The following TPM4 variants were observed in gnomAD, a reference collection of about 807,000 sequenced individuals.
TPM4 encodes the protein tropomyosin 4.
In TPM4, 17 loss-of-function variants were observed where a neutral mutation model predicts 35.8. The ratio of observed to expected loss-of-function variants is 0.47; its 90% CI spans 0.32 to 0.71. The LOEUF (loss-of-function observed/expected upper bound fraction) is 0.71, where lower values mean the gene tolerates loss of function less well. Ranked by LOEUF, TPM4 falls within the 30% of genes least tolerant of loss-of-function variation. The pLI is 0.03. For synonymous variants in TPM4, 120 were observed against 122.9 expected (o/e 0.98, Z 0.15); for missense variants, 240 against 320.9 (o/e 0.75, Z 1.93).
Position 16,067,980 on chromosome 19 carries a change from A to G in TPM4, c.114+242A>G. 1 of 492,008 alleles carries G rather than the reference A, an allele frequency of 2.0e-6. No homozygotes were observed. 30.5% of individuals were successfully genotyped at this position (492,008 alleles called of 1,614,324 possible). A position where few individuals can be genotyped will look rare whatever the true frequency, so the allele number is the denominator to read the frequency against. Reference sequence around the variant, plus strand: ...CGAACAAAGTGAGTTTGACAGAGAGAGAGTTGGCGGGGGAGGGAGAGTGAG... The same window carrying G: ...CGAACAAAGTGAGTTTGACAGAGAGGGAGTTGGCGGGGGAGGGAGAGTGAG... On this transcript the variant is annotated intron_variant, in intron 2 of 2. Coordinates refer to the TPM4 transcript ENST00000589897. This position sits in a 1 kb window ranked among gnomAD's most constrained non-coding sequence, Gnocchi z 4.1.
intron 2 of TPM4, among the ~76,000 whole-genome samples, chr19:16,082,338 G>A (rs1053195556): frequency 2.4e-4 from 36 of 152,220 alleles, no homozygotes; most frequent in Admixed American, 9.2e-4. Flanking sequence ...GTGAAACCCC[G>A]TCTTTCCTAA....
intron 7 of TPM4, chr19:16,095,444 C>T (rs754601843): frequency 6.4e-5 from 66 of 1,027,198 alleles, no homozygotes; most frequent in Non-Finnish European, 7.5e-5. Flanking sequence ...CTGGTTTGAA[C>T]GTCAGAGCCT....
chr19:16,073,518 G>A (rs1272918574), upstream of TPM4, among the ~76,000 whole-genome samples: 2 of 152,168 alleles, frequency 1.3e-5, no homozygotes, highest in African/African-American at 4.8e-5. Flanking sequence ...GACGGGGGTC[G>A]CAGAGCTTGG....
chr19:16,076,676 C>T lies in TPM4; in HGVS notation c.111C>T (p.Gly37=). The stretch of plus-strand genomic sequence containing the variant: ...AGGGCCTGCAGCGGGAGCTGGACGG[C>T]GAGCGCGAGCGGCGCGAGAAAGTGA... ...RAQGLQRELD[G]ERERREKAEG... is the part of the protein sequence containing the mutation. The change falls in exon 1 of 8, where the codon GGC becomes GGT. Residue 37 remains glycine (G), a synonymous_variant. Transcript: ENST00000643579. 7.3e-7 allele frequency: 1 copy of T among 1,375,750 alleles called. No individual in the cohort carries two copies. Among genetic ancestry groups the T allele is most frequent in the South Asian group, 1.6e-5 (1 of 64,242 alleles). 85.2% of individuals were successfully genotyped at this position (1,375,750 alleles called of 1,614,324 possible). A position where few individuals can be genotyped will look rare whatever the true frequency, so the allele number is the denominator to read the frequency against.
At position 16,070,693 on chromosome 19, in the gene TPM4, C is replaced by T. The variant is rs2090348093; in HGVS notation, c.114+2955C>T. Among the ~76,000 whole-genome samples, 1 of 152,208 alleles carries T rather than the reference C, an allele frequency of 6.6e-6. No homozygotes were observed. The highest frequency in any genetic ancestry group is 1.5e-5 in the Non-Finnish European group (1 of 68,024). On this transcript the variant is annotated intron_variant, in intron 2 of 2. Coordinates refer to the TPM4 transcript ENST00000589897. This position sits in a 1 kb window ranked among gnomAD's most constrained non-coding sequence, Gnocchi z 7.4. ...GGCCCGGAGCCTAGCTCAGAGTAAG[C>T]ACTCAATAAATGTAGGTTGATTTCC...
At chr19:16,072,812 CAGG>C (rs1242272799), upstream of TPM4, among the ~76,000 whole-genome samples, 1 of 152,064 alleles carries the variant, frequency 6.6e-6, no homozygotes, top group African/African-American at 2.4e-5. Flanking sequence ...GAGGTTGAGG[CAGG>C]AGAAGCACTT....
intron 7 of TPM4, chr19:16,095,570 TAACCATAGCCTG>T: frequency 9.9e-7 from 1 of 1,012,928 alleles, no homozygotes; most frequent in Non-Finnish European, 1.2e-6. Flanking sequence ...TGTGTGCCCT[TAACCATAGCCTG>T]AAACACAAAG....
rs566029258 is a variant in TPM4 at position 16,085,062 on chromosome 19, G to A, written c.267-1361G>A. ...GCCCAGGAGTTTGAGACCAGCCTGC[G>A]CAACATAGTGAGACCCCATCTCTAC... On this transcript the variant is annotated intron_variant, in intron 2 of 7. Coordinates refer to ENST00000643579, the MANE Select transcript of TPM4 (RefSeq NM_003290.3). Among the ~76,000 whole-genome samples the A allele has an allele frequency of 1.6e-3, 244 of 152,028 alleles. 1 individual carries two copies. Among genetic ancestry groups the A allele is most frequent in the African/African-American group, 5.7e-3 (236 of 41,474 alleles).
At chr19:16,087,009 C>G (rs981537304) in intron 3 of TPM4, among the ~76,000 whole-genome samples, 1 of 152,110 alleles carries the variant, frequency 6.6e-6, no homozygotes, top group Non-Finnish European at 1.5e-5. Flanking sequence ...AGGCCAGGCG[C>G]GGTGGCTCGT....
chr19:16,095,607 C>G (rs1276735403), intron 7 of TPM4: 1 of 1,009,276 alleles, frequency 9.9e-7, no homozygotes, highest in Non-Finnish European at 1.2e-6. Flanking sequence ...TGGTTAGCCT[C>G]TCTCACTCAC....
intron 4 of TPM4, chr19:16,088,392 C>T (rs569286143): frequency 8.0e-7 from 1 of 1,250,388 alleles, no homozygotes; most frequent in East Asian, 4.1e-5. Context: ...GAGAGGATAT[C>T]TCAGGGGGCT....
chr19:16,070,181 G>A lies in TPM4; in HGVS notation c.114+2443G>A, dbSNP rs1309478582. On this transcript the variant is annotated intron_variant, in intron 2 of 2. Transcript: ENST00000589897. The surrounding 1 kb of genome is among the most constrained non-coding windows in gnomAD (Gnocchi z 7.4). Reference sequence around the variant, plus strand: ...GCCCGTGGTGGACGGAGGAGAGGGAGGCCATTTCCCATCTCCTGGCAGCCA... The same window carrying A: ...GCCCGTGGTGGACGGAGGAGAGGGAAGCCATTTCCCATCTCCTGGCAGCCA... 3.3e-5 allele frequency among the ~76,000 whole-genome samples: 5 copies of A among 152,140 alleles called. No homozygotes were observed. The highest frequency in any genetic ancestry group is 1.2e-4 in the African/African-American group (5 of 41,410).
intron 2 of TPM4, among the ~76,000 whole-genome samples, chr19:16,069,176 G>C (rs2090326884): frequency 6.6e-6 from 1 of 152,200 alleles, no homozygotes; most frequent in Admixed American, 6.5e-5. Flanking sequence ...TTGGATGTGT[G>C]TTTCTGTTGT....
intron 7 of TPM4, among the ~76,000 whole-genome samples, chr19:16,098,180 C>G (rs1404384350): frequency 6.6e-6 from 1 of 152,316 alleles, no homozygotes; most frequent in South Asian, 2.1e-4. Context: ...CGGTGGCTCA[C>G]GCCTGTAATC....
At chr19:16,088,693 T>C (rs1369021472) in intron 4 of TPM4, 1 of 1,066,046 alleles carries the variant, frequency 9.4e-7, no homozygotes, top group Admixed American at 4.9e-5. Context: ...CATTGCTCTC[T>C]GCCCGCCTTC....
chr19:16,071,003 A>G (rs559666070), intron 2 of TPM4, among the ~76,000 whole-genome samples: 9 of 152,314 alleles, frequency 5.9e-5, no homozygotes, highest in Non-Finnish European at 1.3e-4. Context: ...GCTATCTCCC[A>G]GGACAGCCAC....
rs868642593 is a variant in TPM4 at position 16,097,706 on chromosome 19, C to T, written c.665-3558C>T. On this transcript the variant is annotated intron_variant, in intron 7 of 7. Transcript: ENST00000643579. ...CACAGATAATTGACATTTAGATGTT[C>T]AAGCCACATCTTCCAGACTACCCCT... Among the ~76,000 whole-genome samples the T allele has an allele frequency of 1.5e-3, 222 of 152,246 alleles. 2 individuals are homozygous for T. The highest frequency in any genetic ancestry group is 4.8e-3 in the African/African-American group (199 of 41,552).
intron 3 of TPM4, 49 bp downstream of exon 3, chr19:16,086,589 C>T (rs2090556030): frequency 6.6e-7 from 1 of 1,514,576 alleles, no homozygotes; most frequent in Non-Finnish European, 9.1e-7. Flanking sequence ...GGAGGAAATG[C>T]ATCTGCTGAG....
At chr19:16,078,221 T>C (rs2090436562) in intron 1 of TPM4, 2 of 398,490 alleles carry the variant, frequency 5.0e-6, no homozygotes, top group Non-Finnish European at 8.8e-6. Context: ...GAGGTTGAGC[T>C]GGGTCTTATA....
Sources: gnomAD v4.1 joint callset for allele counts (sites outside exome capture counted in the v4.1 genomes callset) on GRCh38, gnomAD v4.1.1 for gene constraint, Gnocchi (gnomAD v3.1) non-coding constraint, MANE v1.5 for transcripts, NCBI Gene and HGNC (gene_info 2026-07-23, HGNC 2026-07-21) for gene names.